Variants in ENPP2 observed in about 807,000 individuals in gnomAD.
ENPP2 encodes the protein autotaxin.
In ENPP2, 51 loss-of-function variants were observed where a neutral mutation model predicts 120.2. The observed-to-expected ratio is 0.42, with a 90% CI of 0.34 to 0.54. The LOEUF is 0.54. ENPP2 is among the 20% of genes least tolerant of loss of function. The probability of loss-of-function intolerance (pLI) is 0.04; values close to 1 mark genes in which losing one functional copy is unlikely to be tolerated. For synonymous variants in ENPP2, 365 were observed against 366.4 expected, an observed-to-expected ratio of 1.00 and a Z score of 0.04; for missense variants, 920 against 1,066.5, an observed-to-expected ratio of 0.86 and a Z score of 1.91.
At chr8:119,619,207 T>C (rs1169689161) in intron 5 of ENPP2, 37 bp downstream of exon 5, 1 of 1,377,600 alleles carries the variant, frequency 7.3e-7, no homozygotes. Context: ...TATCAGCTAA[T>C]ACATAAAACT....
At chr8:119,604,882 T>C (rs1473957168) in intron 9 of ENPP2, among the ~76,000 whole-genome samples, 1 of 152,108 alleles carries the variant, frequency 6.6e-6, no homozygotes, top group Non-Finnish European at 1.5e-5. Flanking sequence ...CACACCATTC[T>C]CCTGCCTCAG....
intron 13 of ENPP2, 72 bp downstream of exon 13, chr8:119,590,433 T>C (rs1813415514): frequency 9.7e-6 from 12 of 1,239,508 alleles, no homozygotes; most frequent in Non-Finnish European, 1.3e-5. Context: ...TATTTCAGCT[T>C]TAGAAAACAA....
intron 9 of ENPP2, among the ~76,000 whole-genome samples, chr8:119,606,380 G>C (rs978761802): frequency 1.3e-5 from 2 of 152,120 alleles, no homozygotes; most frequent in Non-Finnish European, 2.9e-5. Flanking sequence ...GCAGTTTCAG[G>C]GGGGCAAAGG....
chr8:119,617,296 T>A, intron 6 of ENPP2, 53 bp from the exon 7 acceptor site: 3 of 1,420,108 alleles, frequency 2.1e-6, no homozygotes, highest in Non-Finnish European at 3.0e-6. Flanking sequence ...GAATTGCTTA[T>A]AGAAAATCCA....
At chr8:119,593,913 A>T in intron 11 of ENPP2, 53 bp from the exon 12 acceptor site, 1 of 1,001,854 alleles carries the variant, frequency 1.0e-6, no homozygotes, top group South Asian at 1.3e-5. Flanking sequence ...TTTCCCTTTC[A>T]GTCTCTCATA....
chr8:119,662,895 G>A (rs1817961625), intron 1 of ENPP2, among the ~76,000 whole-genome samples: 1 of 152,154 alleles, frequency 6.6e-6, no homozygotes, highest in South Asian at 2.1e-4. Context: ...AGGATCACTT[G>A]AGGTCAGGAG....
intron 4 of ENPP2, among the ~76,000 whole-genome samples, chr8:119,620,995 T>C (rs1485453487): frequency 6.6e-6 from 1 of 152,156 alleles, no homozygotes; most frequent in Non-Finnish European, 1.5e-5. Context: ...TGTCCTCACT[T>C]GTCTCTCCAC....
intron 1 of ENPP2, among the ~76,000 whole-genome samples, chr8:119,654,792 A>G (rs2130882504): frequency 6.6e-6 from 1 of 152,364 alleles, no homozygotes; most frequent in South Asian, 2.1e-4. Flanking sequence ...TTTCTTAAAA[A>G]GTATCTGAAT....
In ENPP2 at chr8:119,644,617, T is replaced by C. The variant is rs1281790552; in HGVS notation, c.22-6090A>G. 4.5e-4 allele frequency among the ~76,000 whole-genome samples: 47 copies of C among 104,816 alleles called. 2 individuals carry two copies. Among genetic ancestry groups the C allele is most frequent in the African/African-American group, 1.8e-3 (45 of 25,170 alleles). The allele number at this position is 104,816 out of a possible 152,430, so 68.8% of individuals were successfully genotyped here. On this transcript the variant is annotated intron_variant, in intron 1 of 25. Transcript: ENST00000427067. ...ATATATATATATATATATATATATA[T>C]ATATATATACACACACACACACACA... is the stretch of plus-strand genomic sequence containing the variant.
intron 8 of ENPP2, among the ~76,000 whole-genome samples, chr8:119,609,743 T>G (rs1230303472): frequency 6.6e-6 from 1 of 152,220 alleles, no homozygotes; most frequent in Non-Finnish European, 1.5e-5. Context: ...TACACAATCT[T>G]AGCACATTCC....
chr8:119,621,462 GCAT>G lies in ENPP2; in HGVS notation c.347_349del (p.Asn116_Ala117delinsThr), dbSNP rs1444302907. ...CAAGCAGTCCTCTGAGCAGTGACAG[GCAT>G]TTTCTTCATTTCTGACTTCTCCACA... is the stretch of plus-strand genomic sequence containing the variant. On this transcript the variant is annotated inframe_deletion, in exon 4 of 25. Coordinates refer to ENST00000075322, the MANE Select transcript of ENPP2 (RefSeq NM_001040092.3). 6.2e-7 allele frequency: 1 copy of G among 1,612,960 alleles called. No individual in the cohort carries two copies. Among genetic ancestry groups the G allele is most frequent in the Non-Finnish European group, 8.5e-7 (1 of 1,179,178 alleles).
intron 1 of ENPP2, among the ~76,000 whole-genome samples, chr8:119,646,424 G>A (rs1473849960): frequency 6.6e-6 from 1 of 152,006 alleles, no homozygotes; most frequent in Non-Finnish European, 1.5e-5. Context: ...AGAAACTCTG[G>A]GTTAAAGCCC....
intron 19 of ENPP2, among the ~76,000 whole-genome samples, chr8:119,575,172 A>G (rs930483121): frequency 2.0e-5 from 3 of 152,166 alleles, no homozygotes; most frequent in African/African-American, 7.2e-5. Context: ...CAGTAGTATC[A>G]TCTCCAACTT....
intron 24 of ENPP2, among the ~76,000 whole-genome samples, chr8:119,561,336 C>T (rs1369305907): frequency 1.3e-5 from 2 of 152,138 alleles, no homozygotes; most frequent in Admixed American, 1.3e-4. Context: ...ACTCTGTGGG[C>T]TGCCTAGGAA....
At chr8:119,578,178 G>A (rs542505275) in intron 19 of ENPP2, among the ~76,000 whole-genome samples, 7 of 152,172 alleles carry the variant, frequency 4.6e-5, no homozygotes, top group East Asian at 1.9e-4. Context: ...AGTCTCCCAC[G>A]TAGCTGGGAT....
chr8:119,612,427 G>C (rs1250590177), intron 8 of ENPP2, among the ~76,000 whole-genome samples: 1 of 152,190 alleles, frequency 6.6e-6, no homozygotes, highest in African/African-American at 2.4e-5. Context: ...GGCCTGGAAA[G>C]TCACCCCTAT....
chr8:119,613,325 CTAAAT>C (rs1368277972), intron 8 of ENPP2, among the ~76,000 whole-genome samples: 6 of 152,284 alleles, frequency 3.9e-5, no homozygotes, highest in African/African-American at 1.4e-4. Flanking sequence ...TTATAAAAGA[CTAAAT>C]TAAATTATTT....
chr8:119,609,936 G>A (rs1814980436), intron 8 of ENPP2, among the ~76,000 whole-genome samples: 1 of 152,172 alleles, frequency 6.6e-6, no homozygotes, highest in South Asian at 2.1e-4. Context: ...AATACATGCT[G>A]ATGTTGGCAT....
In ENPP2 at chr8:119,600,748, G is replaced by A; in HGVS notation, c.902C>T (p.Pro301Leu). ...CTCAGAATAGAAGGCATAGACCGAA[G>A]GCCTATAAGAAAATTGGAAGGTTCA... ...QWLTLPDHER[P>L]SVYAFYSEQP... The change falls in exon 11 of 25, where the codon CCT becomes CTT. Residue 301 changes from proline to leucine, a missense_variant and splice_region_variant. Coordinates refer to ENST00000075322, the MANE Select transcript of ENPP2 (RefSeq NM_001040092.3). 1.2e-6 allele frequency: 2 copies of A among 1,601,578 alleles called. No individual in the cohort carries two copies. Among genetic ancestry groups the A allele is most frequent in the Non-Finnish European group, 1.7e-6 (2 of 1,169,004 alleles).
Sources: gnomAD v4.1 joint callset for allele counts (sites outside exome capture counted in the v4.1 genomes callset) on GRCh38, gnomAD v4.1.1 for gene constraint, MANE v1.5 for transcripts, NCBI Gene and HGNC (gene_info 2026-07-23, HGNC 2026-07-21) for gene names.